Variants in PPM1B observed in about 807,000 individuals in gnomAD.
PPM1B encodes the protein protein phosphatase 1B.
In PPM1B, 22 loss-of-function variants were observed where a neutral mutation model predicts 43.0. The ratio of observed to expected loss-of-function variants is 0.51; its 90% CI spans 0.37 to 0.73. The LOEUF is 0.73. PPM1B is among the 30% of genes least tolerant of loss of function. PPM1B has a pLI of 0.00. For missense variants in PPM1B, 632 were observed against 584.2 expected (o/e 1.08, Z -0.84); for synonymous variants, 217 against 197.9 (o/e 1.10, Z -0.81).
At chr2:44,244,027 C>T (rs1483156384) in intron 5 of PPM1B, among the ~76,000 whole-genome samples, 2 of 132,260 alleles carry the variant, frequency 1.5e-5, no homozygotes, top group Non-Finnish European at 3.4e-5. Context: ...TAATTTTCTC[C>T]ATATGATCTA....
At chr2:44,218,396 G>A in intron 4 of PPM1B, 84 bp from the exon 5 acceptor site, 1 of 1,027,710 alleles carries the variant, frequency 9.7e-7, no homozygotes, top group Non-Finnish European at 1.5e-6. Context: ...CTTTTTTAGT[G>A]TGGTCAGGAT....
rs771628985 is a variant in PPM1B at position 44,209,232 on chromosome 2, T to G, written c.869T>G (p.Ile290Ser). The G allele has an allele frequency of 6.2e-7, 1 of 1,611,094 alleles. No homozygotes were observed. ...LHKGSRDNMS[I>S]VLVCFSNAPK... ...CAGGGAAGTCGAGATAACATGAGTA[T>G]TGTACTAGTTTGCTTTTCAAATGCT... The change falls in exon 3 of 6, where the codon ATT becomes AGT. Residue 290 changes from isoleucine to serine, a missense_variant. Around this residue, in one of 3 missense-constraint regions of PPM1B, gnomAD observed 392 missense variants for 302.7 expected, o/e 1.29. Coordinates refer to ENST00000282412, the MANE Select transcript of PPM1B (RefSeq NM_002706.6).
intron 1 of PPM1B, among the ~76,000 whole-genome samples, chr2:44,169,542 C>A (rs533945175): frequency 6.6e-6 from 1 of 152,234 alleles, no homozygotes; most frequent in Non-Finnish European, 1.5e-5. Flanking sequence ...TTTGCTGGAA[C>A]GCCTGGAAGC....
chr2:44,207,113 A>C (rs1185213714), intron 2 of PPM1B, among the ~76,000 whole-genome samples: 1 of 152,206 alleles, frequency 6.6e-6, no homozygotes, highest in Non-Finnish European at 1.5e-5. Flanking sequence ...ACAATCTGTG[A>C]CAAGTTAATT....
At chr2:44,229,915 T>A in intron 5 of PPM1B, 1 of 1,274,660 alleles carries the variant, frequency 7.8e-7, no homozygotes. Context: ...ACAATTTTTA[T>A]CCGTAAAAAC....
chr2:44,196,676 G>A (rs567202810), intron 1 of PPM1B, among the ~76,000 whole-genome samples: 3 of 152,184 alleles, frequency 2.0e-5, no homozygotes, highest in African/African-American at 4.8e-5. Context: ...ATTCATTTAC[G>A]TATTCAGTCC....
chr2:44,202,487 C>T (rs1457649490), intron 2 of PPM1B, among the ~76,000 whole-genome samples: 1 of 152,088 alleles, frequency 6.6e-6, no homozygotes, highest in Non-Finnish European at 1.5e-5. Context: ...TAGTCCTGAG[C>T]CTCCTAGCAG....
At chr2:44,218,686 T>C (rs1469512637) in intron 5 of PPM1B, 149 bp downstream of exon 5, 1 of 616,778 alleles carries the variant, frequency 1.6e-6, no homozygotes, top group African/African-American at 1.9e-5. Context: ...AGTTAAAGTT[T>C]AAGAAAATGT....
downstream of PPM1B, among the ~76,000 whole-genome samples, chr2:44,238,459 T>A (rs1670676833): frequency 6.6e-6 from 1 of 152,052 alleles, no homozygotes; most frequent in Admixed American, 6.6e-5. Context: ...CCCAGCAGTT[T>A]GGGAGGCCGA....
intron 2 of PPM1B, among the ~76,000 whole-genome samples, chr2:44,205,354 G>GTGTCGGGGTGTGTGTGTGTGTGT (rs1669134502): frequency 2.2e-5 from 2 of 91,822 alleles, no homozygotes; most frequent in African/African-American, 3.4e-5. Flanking sequence ...TGTGGGTGTG[G>GTGTCGGGGTGTGTGTGTGTGTGT]GTGTGTGTGT....
chr2:44,196,921 A>T (rs1023016366), intron 1 of PPM1B, among the ~76,000 whole-genome samples: 1 of 152,212 alleles, frequency 6.6e-6, no homozygotes, highest in African/African-American at 2.4e-5. Context: ...TGGCAAAATC[A>T]CAGGTGGAGA....
At chr2:44,212,266 T>C (rs1166877134) in intron 3 of PPM1B, among the ~76,000 whole-genome samples, 1 of 152,188 alleles carries the variant, frequency 6.6e-6, no homozygotes, top group Non-Finnish European at 1.5e-5. Flanking sequence ...TTTCTCCCTT[T>C]TCATATTTAT....
chr2:44,220,263 C>T lies in PPM1B; in HGVS notation c.1134+1726C>T, dbSNP rs1017460293. 7.5e-5 allele frequency among the ~76,000 whole-genome samples: 11 copies of T among 146,974 alleles called. No individual in the cohort carries two copies. In the East Asian group the frequency reaches 1.8e-3, roughly 24 times the overall value. On this transcript the variant is annotated intron_variant, in intron 5 of 5. Transcript: ENST00000282412. Reference sequence around the variant, plus strand: ...CCCTCATGTGTAATCTTTAAAAATACATATATATATATATATATACCTTGC... The same window carrying T: ...CCCTCATGTGTAATCTTTAAAAATATATATATATATATATATATACCTTGC...
At chr2:44,235,926 A>T (rs1052748031), downstream of PPM1B, among the ~76,000 whole-genome samples, 8 of 147,894 alleles carry the variant, frequency 5.4e-5, no homozygotes, top group Non-Finnish European at 7.5e-5. Context: ...CTTTTATATT[A>T]AAAAAAACTC....
intron 1 of PPM1B, among the ~76,000 whole-genome samples, chr2:44,178,454 A>G (rs191335114): frequency 8.4e-4 from 90 of 106,748 alleles, no homozygotes; most frequent in South Asian, 1.9e-3. Flanking sequence ...TTATATATGT[A>G]TATATATATA....
Position 44,209,243 on chromosome 2 carries a change from T to G in PPM1B, c.880T>G (p.Cys294Gly). The part of the protein sequence containing the change: ...SRDNMSIVLV[C>G]FSNAPKVSDE... The stretch of plus-strand genomic sequence containing the variant: ...AGATAACATGAGTATTGTACTAGTT[T>G]GCTTTTCAAATGCTCCCAAGGTCTC... The change falls in exon 3 of 6, where the codon TGC (cysteine) becomes GGC (glycine). Residue 294 changes from cysteine (C) to glycine (G), a missense_variant. Cys to Gly is a radical substitution (Grantham distance 159). This residue lies in a region of PPM1B where 392 missense variants were observed against 302.7 expected (regional missense o/e 1.29). Transcript: ENST00000282412. 1.9e-6 allele frequency: 3 copies of G among 1,613,366 alleles called. No individual in the cohort carries two copies. The highest frequency in any genetic ancestry group is 1.7e-6 in the Non-Finnish European group (2 of 1,179,366).
intron 5 of PPM1B, among the ~76,000 whole-genome samples, chr2:44,225,004 GATGTT>G: frequency 6.6e-6 from 1 of 152,218 alleles, no homozygotes; most frequent in South Asian, 2.1e-4. Context: ...GATAGACATT[GATGTT>G]AATTATACCT....
At chr2:44,211,151 A>G (rs914477145) in intron 3 of PPM1B, among the ~76,000 whole-genome samples, 2 of 152,212 alleles carry the variant, frequency 1.3e-5, no homozygotes, top group African/African-American at 2.4e-5. Context: ...AAAAAAATTA[A>G]GAAATTAACG....
At chr2:44,180,380 G>T (rs1048601271) in intron 1 of PPM1B, among the ~76,000 whole-genome samples, 3 of 152,182 alleles carry the variant, frequency 2.0e-5, no homozygotes, top group Non-Finnish European at 4.4e-5. Context: ...AAATTCATTA[G>T]TGTGTCGTCT....
Sources: allele counts gnomAD v4.1 joint callset (sites outside exome capture counted in the v4.1 genomes callset), GRCh38; gene constraint gnomAD v4.1.1; regional missense constraint gnomAD v4.1.1; transcripts MANE v1.5; gene names NCBI Gene and HGNC (gene_info 2026-07-23, HGNC 2026-07-21).